Variants in GRID2 observed in about 807,000 individuals in gnomAD.
The protein encoded by GRID2 is glutamate ionotropic receptor delta type subunit 2, also known as glutamate receptor ionotropic, delta-2.
GRID2 carries 33 observed loss-of-function variants against 114.8 expected under a neutral mutation model. The ratio of observed to expected loss-of-function variants is 0.29; its 90% CI spans 0.22 to 0.38. The LOEUF (loss-of-function observed/expected upper bound fraction) is 0.38, where lower values mean the gene tolerates loss of function less well. Ranked by LOEUF, GRID2 falls within the 10% of genes least tolerant of loss-of-function variation. The probability of loss-of-function intolerance (pLI) is 1.00; values close to 1 mark genes in which losing one functional copy is unlikely to be tolerated. For missense variants in GRID2, 1,184 were observed against 1,257.7 expected (o/e 0.94, Z 0.89); for synonymous variants, 505 against 449.9 (o/e 1.12, Z -1.55).
chr4:92,947,656 ACCATATATAG>A (rs1286726608), intron 2 of GRID2, among the ~76,000 whole-genome samples: 1 of 151,902 alleles, frequency 6.6e-6, no homozygotes, highest in East Asian at 1.9e-4. Context: ...CTGTTTCTTG[ACCATATATAG>A]CCTTCAAATA....
At chr4:92,858,459 G>A (rs950678282) in intron 2 of GRID2, among the ~76,000 whole-genome samples, 2 of 152,192 alleles carry the variant, frequency 1.3e-5, no homozygotes, top group Admixed American at 6.5e-5. Context: ...AACTACAGAT[G>A]TGGATTTGCA....
intron 1 of GRID2, among the ~76,000 whole-genome samples, chr4:92,551,697 C>G (rs1401538285): frequency 6.6e-6 from 1 of 151,974 alleles, no homozygotes; most frequent in Non-Finnish European, 1.5e-5. Flanking sequence ...AAATCATAAA[C>G]AATAGTACAA....
At chr4:92,419,203 C>A (rs1414339104) in intron 1 of GRID2, among the ~76,000 whole-genome samples, 1 of 152,128 alleles carries the variant, frequency 6.6e-6, no homozygotes, top group Admixed American at 6.6e-5. Context: ...AGTAATAAAG[C>A]TTACACTTCA....
intron 4 of GRID2, among the ~76,000 whole-genome samples, chr4:93,202,011 T>A (rs1422876214): frequency 6.6e-6 from 1 of 152,198 alleles, no homozygotes; most frequent in African/African-American, 2.4e-5. Flanking sequence ...TACATTGCTA[T>A]ATTTCAAAGT....
intron 4 of GRID2, among the ~76,000 whole-genome samples, chr4:93,148,229 G>A (rs1736429917): frequency 3.3e-5 from 5 of 152,168 alleles, no homozygotes; most frequent in Admixed American, 3.3e-4. Flanking sequence ...CTCTGAATAA[G>A]TGAGTTAACT....
At chr4:93,751,143 T>A (rs1217431775) in intron 14 of GRID2, among the ~76,000 whole-genome samples, 1 of 152,200 alleles carries the variant, frequency 6.6e-6, no homozygotes, top group African/African-American at 2.4e-5. Context: ...AAAAGTGAAT[T>A]TTTAATATCA....
At chr4:93,611,780 A>C (rs1329853528) in intron 13 of GRID2, among the ~76,000 whole-genome samples, 2 of 147,884 alleles carry the variant, frequency 1.4e-5, no homozygotes, top group African/African-American at 5.0e-5. Context: ...GCTGAAAAAA[A>C]TGTATATTCT....
intron 1 of GRID2, among the ~76,000 whole-genome samples, chr4:93,796,130 C>A (rs892067645): frequency 6.6e-6 from 1 of 152,100 alleles, no homozygotes; most frequent in African/African-American, 2.4e-5. Context: ...GATGCCCTCC[C>A]AGGCTTTAAA....
intron 1 of GRID2, among the ~76,000 whole-genome samples, chr4:92,508,913 G>A (rs1450627538): frequency 6.6e-6 from 1 of 151,856 alleles, no homozygotes; most frequent in African/African-American, 2.4e-5. Flanking sequence ...TTGAGCAGTA[G>A]TTAGATCCAG....
intron 2 of GRID2, among the ~76,000 whole-genome samples, chr4:92,774,549 T>C (rs922562419): frequency 2.6e-5 from 4 of 151,740 alleles, no homozygotes; most frequent in Admixed American, 6.6e-5. Flanking sequence ...AATCAAGATA[T>C]TCTAATTTCT....
rs556345072 is a variant in GRID2, at chr4:93,096,810, T to C, written c.529+11531T>C. On this transcript the variant is annotated intron_variant, in intron 3 of 15. Transcript: ENST00000282020. ...TACTTACCTTGTATACCTCACCTAT[T>C]TCACTCCAGAAAAATGAGAATGTAT... Among the ~76,000 whole-genome samples the C allele has an allele frequency of 8.6e-5, 13 of 152,038 alleles. No homozygotes were observed. In the East Asian group the frequency reaches 2.5e-3, roughly 29 times the overall value.
chr4:92,774,243 C>T (rs78849561), intron 2 of GRID2, among the ~76,000 whole-genome samples: 3,460 of 152,066 alleles, frequency 0.023, 100 homozygotes, highest in East Asian at 0.12. Context: ...TGGGATAGGC[C>T]ATGGAGGGAG....
chr4:93,667,523 A>AT (rs1724056904), intron 14 of GRID2, among the ~76,000 whole-genome samples: 1 of 151,918 alleles, frequency 6.6e-6, no homozygotes, highest in Admixed American at 6.6e-5. Flanking sequence ...ATGGGCTTAA[A>AT]TTATCAAAAG....
chr4:92,615,921 G>A (rs1729985483), intron 2 of GRID2, among the ~76,000 whole-genome samples: 1 of 151,474 alleles, frequency 6.6e-6, no homozygotes, highest in African/African-American at 2.4e-5. Flanking sequence ...TCTACTCACT[G>A]TTATTATGCT....
At chr4:92,357,860 T>A (rs1728409726) in intron 1 of GRID2, among the ~76,000 whole-genome samples, 1 of 151,960 alleles carries the variant, frequency 6.6e-6, no homozygotes, top group African/African-American at 2.4e-5. Context: ...CTTCTGGACC[T>A]CTATTAAGAC....
At position 93,426,737 on chromosome 4, in the gene GRID2, T is replaced by C. The variant is rs559360114; in HGVS notation, c.1545+3769T>C. Among the ~76,000 whole-genome samples the C allele has an allele frequency of 3.9e-5, 6 of 152,192 alleles. No individual in the cohort carries two copies. In the South Asian group the frequency reaches 1.2e-3, roughly 32 times the overall value. On this transcript the variant is annotated intron_variant, in intron 10 of 15. Transcript: ENST00000282020. Reference sequence around the variant, plus strand: ...TCAATTTCAATGTACTATTTGCATGTAAGAGCATGTCATTATTGTATGATA... The same window carrying C: ...TCAATTTCAATGTACTATTTGCATGCAAGAGCATGTCATTATTGTATGATA...
intron 2 of GRID2, among the ~76,000 whole-genome samples, chr4:92,815,116 C>A (rs1044034801): frequency 6.6e-6 from 1 of 152,072 alleles, no homozygotes; most frequent in African/African-American, 2.4e-5. Flanking sequence ...GAAATACATT[C>A]TTAACTTTCC....
Position 93,224,666 on chromosome 4 carries a change from A to G in GRID2, c.1016A>G (p.His339Arg), listed in dbSNP as rs144350770. 3 of 1,611,778 alleles carry G rather than the reference A, an allele frequency of 1.9e-6. No individual in the cohort carries two copies. Among genetic ancestry groups the G allele is most frequent in the African/African-American group, 1.3e-5 (1 of 74,892 alleles). ...DTVLLLANAF[H>R]KKLEDRKWHS... Reference sequence around the variant, plus strand: ...GTGCTTCTGCTTGCTAATGCTTTTCATAAGAAGCTGGAGGACCGAAAGTGG... The same window carrying G: ...GTGCTTCTGCTTGCTAATGCTTTTCGTAAGAAGCTGGAGGACCGAAAGTGG... Residue 339 changes from histidine (H) to arginine (R), a missense_variant, in exon 7 of 16, where the codon CAT becomes CGT. By Grantham distance (29) the His-to-Arg change is conservative. This residue lies in a region of GRID2 where 455 missense variants were observed against 429.5 expected (regional missense o/e 1.06). Coordinates refer to ENST00000282020, the MANE Select transcript of GRID2 (RefSeq NM_001510.4).
intron 14 of GRID2, among the ~76,000 whole-genome samples, chr4:93,724,184 A>G (rs1045667448): frequency 6.6e-6 from 1 of 152,190 alleles, no homozygotes; most frequent in Non-Finnish European, 1.5e-5. Flanking sequence ...AAAAGGACAA[A>G]TACTCCTGAT....
Sources: gnomAD v4.1 joint callset for allele counts (sites outside exome capture counted in the v4.1 genomes callset) on GRCh38, gnomAD v4.1.1 for gene constraint, gnomAD v4.1.1 regional missense constraint, MANE v1.5 for transcripts, NCBI Gene and HGNC (gene_info 2026-07-23, HGNC 2026-07-21) for gene names.